Variants in HSD17B7 observed in about 807,000 individuals in gnomAD.
The protein encoded by HSD17B7 is hydroxysteroid 17-beta dehydrogenase 7, also known as 3-keto-steroid reductase/17-beta-hydroxysteroid dehydrogenase 7.
Under a neutral mutation model 34.1 loss-of-function variants are expected in HSD17B7, and 17 were observed. The observed-to-expected ratio is 0.50, with a 90% CI of 0.34 to 0.75. HSD17B7 has a LOEUF of 0.75. HSD17B7 is among the 30% of genes least tolerant of loss of function. The probability of loss-of-function intolerance (pLI) is 0.01; values close to 1 mark genes in which losing one functional copy is unlikely to be tolerated. For missense variants in HSD17B7, 296 were observed against 406.6 expected (o/e 0.73, Z 2.34); for synonymous variants, 122 against 154.6 (o/e 0.79, Z 1.56).
At chr1:162,791,704 CTGAG>C (rs1273241321) in intron 1 of HSD17B7, among the ~76,000 whole-genome samples, 2 of 150,586 alleles carry the variant, frequency 1.3e-5, no homozygotes, top group Non-Finnish European at 2.9e-5. Context: ...GTGGAAGGTA[CTGAG>C]TAAGTCAGAA....
At chr1:162,801,616 G>T (rs1648819451) in intron 5 of HSD17B7, among the ~76,000 whole-genome samples, 1 of 152,146 alleles carries the variant, frequency 6.6e-6, no homozygotes. Context: ...TTTTATGGGT[G>T]TGTGCACATG....
chr1:162,807,025 C>T lies in HSD17B7; in HGVS notation c.903+1533C>T, dbSNP rs1192107058. ...TTCTAGAGTACATGTGCACAACGTG[C>T]AGGTTTGTTACATATGTATACATGT... On this transcript the variant is annotated intron_variant, in intron 8 of 8. Transcript: ENST00000254521. Among the ~76,000 whole-genome samples the T allele has an allele frequency of 2.0e-5, 3 of 152,114 alleles. No homozygotes were observed. In the South Asian group the frequency reaches 6.2e-4, roughly 32 times the overall value.
At chr1:162,808,056 G>T (rs1433633566) in intron 8 of HSD17B7, among the ~76,000 whole-genome samples, 1 of 152,116 alleles carries the variant, frequency 6.6e-6, no homozygotes, top group Non-Finnish European at 1.5e-5. Flanking sequence ...CCTATGTCCT[G>T]AATAGTATTG....
chr1:162,797,190 C>T (rs905964827), intron 3 of HSD17B7: 7 of 159,538 alleles, frequency 4.4e-5, no homozygotes, highest in African/African-American at 1.7e-4. Flanking sequence ...TGACCCAATA[C>T]ACTTATTCAT....
chr1:162,804,279 G>C lies in HSD17B7; in HGVS notation c.760G>C (p.Ala254Pro), dbSNP rs755424114. The C allele has an allele frequency of 1.2e-6, 2 of 1,606,456 alleles. No individual in the cohort carries two copies. The highest frequency in any genetic ancestry group is 1.7e-6 in the Non-Finnish European group (2 of 1,176,602). Reference sequence around the variant, plus strand: ...TTCTTTTCCGCAGCTTCGCTTTTTTGCAAATGCATTCACTTTGACACCATA... The same window carrying C: ...TTCTTTTCCGCAGCTTCGCTTTTTTCCAAATGCATTCACTTTGACACCATA... ...MPAILLLRFF[A>P]NAFTLTPYNG... Residue 254 changes from alanine to proline, a missense_variant, in exon 7 of 9, where the codon GCA becomes CCA. Transcript: ENST00000254521.
chr1:162,808,918 G>C (rs1649081390), intron 8 of HSD17B7, among the ~76,000 whole-genome samples: 1 of 152,116 alleles, frequency 6.6e-6, no homozygotes, highest in African/African-American at 2.4e-5. Context: ...TTGCAAACAG[G>C]GACAATTTGA....
At position 162,799,794 on chromosome 1, in the gene HSD17B7, A is replaced by G. The variant is rs777734754; in HGVS notation, c.499A>G (p.Ile167Val). ...TCACAGTGACAATCCATCTCAGCTC[A>G]TCTGGACATCATCTCGCAGTGCAAG... Reference protein sequence around the residue: ...LCHSDNPSQLIWTSSRSARKS... With the variant: ...LCHSDNPSQLVWTSSRSARKS... Residue 167 changes from isoleucine (I) to valine (V), a missense_variant, in exon 5 of 9, where the codon ATC becomes GTC. By Grantham distance (29) the Ile-to-Val change is conservative. Transcript: ENST00000254521. 2 of 1,613,332 alleles carry G rather than the reference A, an allele frequency of 1.2e-6. No individual in the cohort carries two copies. The highest frequency in any genetic ancestry group is 4.5e-5 in the East Asian group (2 of 44,886).
chr1:162,796,470 A>AT lies in HSD17B7; in HGVS notation c.240-109dup, dbSNP rs1570999119. Reference sequence around the variant, plus strand: ...TGGCTAATATATTAATTTAAAAAGTATTTTTTGTCTTTCTTAGGCCTCCTT... The same window carrying AT: ...TGGCTAATATATTAATTTAAAAAGTATTTTTTTGTCTTTCTTAGGCCTCCTT... On this transcript the variant is annotated intron_variant, in intron 2 of 8. Transcript: ENST00000254521. 1.6e-5 allele frequency: 9 copies of AT among 572,428 alleles called. No homozygotes were observed. In the East Asian group the frequency reaches 2.5e-4, roughly 16 times the overall value. 35.5% of individuals were successfully genotyped at this position (572,428 alleles called of 1,614,324 possible). A position where few individuals can be genotyped will look rare whatever the true frequency, so the allele number is the denominator to read the frequency against.
intron 3 of HSD17B7, 34 bp downstream of exon 3, chr1:162,796,711 G>A: frequency 3.2e-6 from 4 of 1,242,692 alleles, no homozygotes; most frequent in South Asian, 1.2e-5. Flanking sequence ...CTGATTGGAA[G>A]GAATGTGTTC....
intron 5 of HSD17B7, 155 bp downstream of exon 5, chr1:162,800,092 T>C: frequency 1.4e-6 from 1 of 732,254 alleles, no homozygotes; most frequent in South Asian, 1.5e-5. Flanking sequence ...GATAATTGGC[T>C]CCTGACATTA....
chr1:162,798,627 G>A (rs1375056347), intron 4 of HSD17B7: 2 of 155,880 alleles, frequency 1.3e-5, no homozygotes, highest in Non-Finnish European at 2.8e-5. Context: ...TGATCACCTG[G>A]CTTGAGGTCA....
At position 162,803,472 on chromosome 1, in the gene HSD17B7, C is replaced by T. The variant is rs1329039249; in HGVS notation, c.684C>T (p.Thr228=). Residue 228 remains threonine (T), a synonymous_variant, in exon 6 of 9, where the codon ACC becomes ACT. Transcript: ENST00000254521. ...TGGCCTGTCCAGGTACAGCATTGAC[C>T]AATTTGACATATGGAATTCTGCCTC... ...SNVACPGTAL[T]NLTYGILPPF... 2 of 1,613,068 alleles carry T rather than the reference C, an allele frequency of 1.2e-6. No homozygotes were observed. Among genetic ancestry groups the T allele is most frequent in the Admixed American group, 3.3e-5 (2 of 59,998 alleles).
At chr1:162,808,855 A>G (rs1190368296) in intron 8 of HSD17B7, among the ~76,000 whole-genome samples, 1 of 152,188 alleles carries the variant, frequency 6.6e-6, no homozygotes, top group East Asian at 1.9e-4. Context: ...TTATCAGCTT[A>G]AGGAGATTTT....
At chr1:162,798,966 C>A in intron 4 of HSD17B7, 1 of 206,790 alleles carries the variant, frequency 4.8e-6, no homozygotes, top group Non-Finnish European at 1.0e-5. Context: ...TGGACTCCAG[C>A]CTGGGCAACA....
At chr1:162,800,201 G>T (rs1312670569) in intron 5 of HSD17B7, 2 of 608,580 alleles carry the variant, frequency 3.3e-6, no homozygotes, top group African/African-American at 1.8e-5. Context: ...GTTGGTACTT[G>T]CTGTGTTTCA....
In HSD17B7 at chr1:162,804,310, G is replaced by A. The variant is rs774421811; in HGVS notation, c.791G>A (p.Gly264Glu). ...ANAFTLTPYN[G>E]TEALVWLFHQ... ...GCATTCACTTTGACACCATATAATG[G>A]AACAGAAGCTCTGGTATGTTACTGA... The change falls in exon 7 of 9, where the codon GGA becomes GAA. Residue 264 changes from glycine to glutamate, a missense_variant. Physicochemically the swap from Gly to Glu is moderately conservative, Grantham distance 98. Transcript: ENST00000254521. 5 of 1,601,612 alleles carry A rather than the reference G, an allele frequency of 3.1e-6. No homozygotes were observed. The highest frequency in any genetic ancestry group is 1.7e-5 in the Admixed American group (1 of 58,922).
At chr1:162,811,941 G>A (rs894826913) in intron 8 of HSD17B7, among the ~76,000 whole-genome samples, 3 of 152,238 alleles carry the variant, frequency 2.0e-5, no homozygotes, top group Admixed American at 1.3e-4. Context: ...ATTGATATTA[G>A]GAAGTGAGTA....
chr1:162,797,540 G>A (rs1279376169), intron 3 of HSD17B7: 12 of 309,042 alleles, frequency 3.9e-5, no homozygotes, highest in Non-Finnish European at 7.1e-5. Context: ...TTTAGCAGCA[G>A]GTTTTTGAGA....
intron 8 of HSD17B7, among the ~76,000 whole-genome samples, chr1:162,810,879 T>C (rs566713039): frequency 6.6e-6 from 1 of 152,164 alleles, no homozygotes; most frequent in African/African-American, 2.4e-5. Flanking sequence ...TATAGCACAC[T>C]GATGGGTCTT....
Sources: gnomAD v4.1 joint callset for allele counts (sites outside exome capture counted in the v4.1 genomes callset) on GRCh38, gnomAD v4.1.1 for gene constraint, MANE v1.5 for transcripts, NCBI Gene and HGNC (gene_info 2026-07-23, HGNC 2026-07-21) for gene names.